DNA2: variants seen among roughly 807,000 people sequenced by gnomAD.
DNA2 encodes DNA replication ATP-dependent helicase/nuclease DNA2.
Under a neutral mutation model 119.1 loss-of-function variants are expected in DNA2, and 101 were observed. That is an observed-to-expected ratio of 0.85 (90% CI 0.72 to 1.00). The LOEUF (loss-of-function observed/expected upper bound fraction) is 1.00, where lower values mean the gene tolerates loss of function less well. DNA2 is among the 50% of genes least tolerant of loss of function. The pLI is 0.00. For synonymous variants in DNA2, 366 were observed against 424.4 expected (o/e 0.86, Z 1.69); for missense variants, 1,121 against 1,255.5 (o/e 0.89, Z 1.62).
At chr10:68,462,546 C>A (rs2052273370) in intron 4 of DNA2, among the ~76,000 whole-genome samples, 1 of 145,116 alleles carries the variant, frequency 6.9e-6, no homozygotes, top group Admixed American at 6.7e-5. Context: ...TTGAGAACTG[C>A]TGTTATAAAC....
At chr10:68,464,937 G>A (rs1361168385) in intron 4 of DNA2, among the ~76,000 whole-genome samples, 2 of 149,754 alleles carry the variant, frequency 1.3e-5, no homozygotes, top group Non-Finnish European at 3.0e-5. Context: ...AGAAACACAT[G>A]AGCCCAGTCG....
At chr10:68,454,302 C>A (rs2052156577) in intron 5 of DNA2, among the ~76,000 whole-genome samples, 1 of 151,330 alleles carries the variant, frequency 6.6e-6, no homozygotes, top group Admixed American at 6.6e-5. Context: ...ATTTATTAAC[C>A]CAGGATTCTG....
At chr10:68,439,959 G>A (rs921927236) in intron 9 of DNA2, among the ~76,000 whole-genome samples, 2 of 150,546 alleles carry the variant, frequency 1.3e-5, no homozygotes, top group Admixed American at 6.6e-5. Context: ...AGCTGAGATC[G>A]TGCCACTGCA....
intron 14 of DNA2, among the ~76,000 whole-genome samples, chr10:68,426,087 G>A (rs1442833050): frequency 6.6e-6 from 1 of 152,076 alleles, no homozygotes; most frequent in African/African-American, 2.4e-5. Context: ...AGAGAGCCAA[G>A]ATCGGGCCAT....
intron 9 of DNA2, among the ~76,000 whole-genome samples, chr10:68,440,007 A>G (rs1430590465): frequency 6.6e-6 from 1 of 151,380 alleles, no homozygotes; most frequent in African/African-American, 2.4e-5. Flanking sequence ...CCATCTCAAA[A>G]AAAAAAATTT....
intron 10 of DNA2, among the ~76,000 whole-genome samples, chr10:68,435,399 G>A (rs1421231901): frequency 2.0e-5 from 3 of 151,702 alleles, no homozygotes; most frequent in Non-Finnish European, 2.9e-5. Flanking sequence ...TAGGCCAGGC[G>A]TGGTGGCTCA....
intron 10 of DNA2, 51 bp from the exon 11 acceptor site, chr10:68,432,561 G>T: frequency 2.9e-6 from 3 of 1,022,260 alleles, no homozygotes; most frequent in Non-Finnish European, 4.4e-6. Flanking sequence ...CGCATAGTCT[G>T]TATAAGAAAT....
At chr10:68,431,090 G>C (rs1384669991) in intron 13 of DNA2, among the ~76,000 whole-genome samples, 6 of 151,722 alleles carry the variant, frequency 4.0e-5, no homozygotes, top group Admixed American at 4.0e-4. Context: ...CATGAACTGT[G>C]ATCATGCCAC....
chr10:68,450,030 G>C lies in DNA2; in HGVS notation c.937C>G (p.Gln313Glu). ...AATTTTCTTATTAACATTTATACCT[G>C]ACTACGGTGTTCAATAGAATTTGAT... ...KESNSIEHRS[Q>E]VVLYTLLSQE... Residue 313 changes from glutamine to glutamate, a missense_variant and splice_region_variant, in exon 6 of 21, where the codon CAG becomes GAG. Physicochemically the swap from Gln to Glu is conservative, Grantham distance 29. Transcript: ENST00000358410. 1 of 1,544,090 alleles carries C rather than the reference G, an allele frequency of 6.5e-7. No homozygotes were observed. The highest frequency in any genetic ancestry group is 8.8e-7 in the Non-Finnish European group (1 of 1,130,878).
At chr10:68,432,353 G>A in intron 11 of DNA2, 38 bp from the exon 12 acceptor site, 1 of 1,560,508 alleles carries the variant, frequency 6.4e-7, no homozygotes, top group Non-Finnish European at 8.7e-7. Flanking sequence ...ATATTCCTTA[G>A]AAAAGTGGAG....
At position 68,471,777 on chromosome 10, in the gene DNA2, C is replaced by G. The variant is rs1171570729; in HGVS notation, c.74+14G>C. On this transcript the variant is annotated intron_variant, in intron 1 of 20. Transcript: ENST00000358410. The stretch of plus-strand genomic sequence containing the variant: ...TCCCGCTTTGTTCCCACACCCTCCC[C>G]CCTCTCCGCTCACAGCTCCGCCGGC... 6 of 1,589,106 alleles carry G rather than the reference C, an allele frequency of 3.8e-6. No individual in the cohort carries two copies. Among genetic ancestry groups the G allele is most frequent in the East Asian group, 4.5e-5 (2 of 44,644 alleles).
chr10:68,438,099 G>A (rs1363940294), intron 9 of DNA2, among the ~76,000 whole-genome samples: 1 of 152,136 alleles, frequency 6.6e-6, no homozygotes. Flanking sequence ...CACAGGCTGG[G>A]ATCTCCAAAA....
chr10:68,467,467 A>G (rs891206821), intron 3 of DNA2, among the ~76,000 whole-genome samples: 2 of 152,294 alleles, frequency 1.3e-5, no homozygotes, highest in Admixed American at 6.5e-5. Context: ...ATGTTTCAAG[A>G]AAAATAAATA....
At chr10:68,429,211 G>A (rs977164826) in intron 14 of DNA2, among the ~76,000 whole-genome samples, 2 of 147,664 alleles carry the variant, frequency 1.4e-5, no homozygotes, top group Non-Finnish European at 3.0e-5. Context: ...CTATAGCCGC[G>A]CCCATAATCC....
chr10:68,443,819 C>T (rs1007109827), intron 8 of DNA2, among the ~76,000 whole-genome samples: 5 of 151,824 alleles, frequency 3.3e-5, no homozygotes, highest in Admixed American at 1.3e-4. Context: ...GGTGTGGTGG[C>T]GGATGCCTGT....
At chr10:68,471,061 C>G (rs1329189645) in intron 1 of DNA2, among the ~76,000 whole-genome samples, 1 of 152,160 alleles carries the variant, frequency 6.6e-6, no homozygotes, top group Non-Finnish European at 1.5e-5. Flanking sequence ...TATTAAGTAC[C>G]TCTTAAGTCT....
At chr10:68,418,959 C>T in intron 19 of DNA2, 75 bp downstream of exon 19, 2 of 1,403,612 alleles carry the variant, frequency 1.4e-6, no homozygotes, top group Non-Finnish European at 1.9e-6. Context: ...AGGTGTGAGC[C>T]ACCGCGCCCG....
chr10:68,416,577 AC>A, intron 20 of DNA2, 131 bp downstream of exon 20: 1 of 863,352 alleles, frequency 1.2e-6, no homozygotes, highest in East Asian at 2.5e-5. Flanking sequence ...GGAGGCCTAC[AC>A]AGGAGGATCG....
chr10:68,426,884 A>C (rs975819069), intron 14 of DNA2, among the ~76,000 whole-genome samples: 1 of 152,158 alleles, frequency 6.6e-6, no homozygotes, highest in African/African-American at 2.4e-5. Flanking sequence ...TTTGTTCTGC[A>C]TAAGACCCTA....
Sources: allele counts gnomAD v4.1 joint callset (sites outside exome capture counted in the v4.1 genomes callset), GRCh38; gene constraint gnomAD v4.1.1; transcripts MANE v1.5; gene names NCBI Gene and HGNC (gene_info 2026-07-23, HGNC 2026-07-21).